Variants in CELF2 observed in about 807,000 individuals in gnomAD.
CELF2 encodes CUGBP Elav-like family member 2.
In CELF2, 8 loss-of-function variants were observed where a neutral mutation model predicts 62.6. The observed-to-expected ratio is 0.13, with a 90% CI of 0.07 to 0.23. The LOEUF (loss-of-function observed/expected upper bound fraction) is 0.23. CELF2 is among the 10% of genes least tolerant of loss of function. The pLI, the probability that CELF2 is intolerant of heterozygous loss-of-function variation, is 1.00. For synonymous variants in CELF2, 258 were observed against 250.0 expected (o/e 1.03, Z -0.30); for missense variants, 333 against 671.0 (o/e 0.50, Z 5.56).
At chr10:10,607,411 A>T in the CELF2 span, among the ~76,000 whole-genome samples, 1 of 152,228 alleles carries the variant, frequency 6.6e-6, no homozygotes, top group Non-Finnish European at 1.5e-5. Flanking sequence ...GGTTCAAACT[A>T]CCAGTAGTTG....
chr10:11,091,177 T>C (rs1264112551), intron 1 of CELF2, among the ~76,000 whole-genome samples: 2 of 152,166 alleles, frequency 1.3e-5, no homozygotes, highest in African/African-American at 4.8e-5. Flanking sequence ...TAACATAACA[T>C]GTTAGGGCAC....
Position 11,314,300 on chromosome 10 carries a change from T to C in CELF2, c.1096+42T>C, listed in dbSNP as rs890231885. 3.1e-6 allele frequency: 5 copies of C among 1,613,194 alleles called. No individual in the cohort carries two copies. The African/African-American group carries it at 6.7e-5, about 22-fold the overall frequency. On this transcript the variant is annotated intron_variant, in intron 10 of 12. Coordinates refer to ENST00000633077, the MANE Select transcript of CELF2 (RefSeq NM_001326342.2). This position sits in a 1 kb window ranked among gnomAD's most constrained non-coding sequence, Gnocchi z 5.3. ...GTATTTGCTGCTCTGGTGGACAGCCTTCCCCCAAATTCTCCACAGAAAGTG... is the reference window on the plus strand; with the variant it reads ...GTATTTGCTGCTCTGGTGGACAGCCCTCCCCCAAATTCTCCACAGAAAGTG...
intron 12 of CELF2, among the ~76,000 whole-genome samples, chr10:11,327,793 C>G (rs2095833443): frequency 6.6e-6 from 1 of 152,212 alleles, no homozygotes. Flanking sequence ...CCATTTTTAT[C>G]AGCCGAGAAC....
chr10:10,865,765 C>T (rs942712075), intron 1 of CELF2, among the ~76,000 whole-genome samples: 1 of 150,850 alleles, frequency 6.6e-6, no homozygotes, highest in Non-Finnish European at 1.5e-5. Context: ...CTATTCAAAG[C>T]AAAATGAGAG....
chr10:10,623,339 G>A, the CELF2 span, among the ~76,000 whole-genome samples: 2 of 152,108 alleles, frequency 1.3e-5, no homozygotes, highest in African/African-American at 4.8e-5. Flanking sequence ...AAAGTAAAAG[G>A]GCAGTTGGCA....
the CELF2 span, among the ~76,000 whole-genome samples, chr10:10,519,419 G>A: frequency 6.6e-6 from 1 of 152,090 alleles, no homozygotes; most frequent in African/African-American, 2.4e-5. Context: ...TTTTTGTGAT[G>A]GCATGGAAGA....
upstream of CELF2, among the ~76,000 whole-genome samples, chr10:11,014,953 G>A (rs2057030966): frequency 6.6e-6 from 1 of 152,210 alleles, no homozygotes; most frequent in Non-Finnish European, 1.5e-5. Context: ...AGGACAGCCT[G>A]GTCCCCAGTG....
chr10:10,776,921 A>ATGCCC, the CELF2 span, among the ~76,000 whole-genome samples: 2 of 152,220 alleles, frequency 1.3e-5, no homozygotes, highest in African/African-American at 4.8e-5. Flanking sequence ...CCGGAAGGCC[A>ATGCCC]TGCCCTCTGC....
intron 3 of CELF2, 30 bp from the exon 4 acceptor site, chr10:11,249,123 G>A: frequency 6.3e-7 from 1 of 1,589,198 alleles, no homozygotes; most frequent in Non-Finnish European, 8.6e-7. Flanking sequence ...TGTTCAATCT[G>A]CCTTTACTTT....
Position 11,332,411 on chromosome 10 carries a change from T to A in CELF2, c.*3358T>A, listed in dbSNP as rs2096044682. 6.6e-6 allele frequency: 1 copy of A among 152,480 alleles called. No individual in the cohort carries two copies. The highest frequency in any genetic ancestry group is 2.4e-5 in the African/African-American group (1 of 41,452). The allele number at this position is 152,480 out of a possible 1,614,324, so 9.4% of individuals were successfully genotyped here. On this transcript the variant is annotated 3_prime_UTR_variant, in exon 13 of 13. Coordinates refer to ENST00000633077, the MANE Select transcript of CELF2 (RefSeq NM_001326342.2). ...CCAGGTGTCTGGAGTTAGAAGCCCA[T>A]AGCCCTTTCCCAGCCTTTTTGGTTT...
At chr10:10,884,649 T>C (rs1028832485) in intron 1 of CELF2, among the ~76,000 whole-genome samples, 1 of 152,222 alleles carries the variant, frequency 6.6e-6, no homozygotes, top group Non-Finnish European at 1.5e-5. Context: ...ACACTGTGCT[T>C]GAACTATCCT....
the CELF2 span, among the ~76,000 whole-genome samples, chr10:10,469,890 A>G: frequency 6.6e-6 from 1 of 151,846 alleles, no homozygotes; most frequent in African/African-American, 2.4e-5. Flanking sequence ...TGTTATTCAG[A>G]GAACTTGTAT....
rs1431623549 is a variant in CELF2 at position 11,011,765 on chromosome 10, A to G, written c.53+6325A>G. ...AGTTCTTTTAAGAGAAAGAAAAAAA[A>G]TTTCCCCTAATGGACTTCATGGGAA... On this transcript the variant is annotated intron_variant, in intron 1 of 12. Coordinates refer to the CELF2 transcript ENST00000416382. This position sits in a 1 kb window ranked among gnomAD's most constrained non-coding sequence, Gnocchi z 4.6. Among the ~76,000 whole-genome samples, 1 of 151,946 alleles carries G rather than the reference A, an allele frequency of 6.6e-6. No homozygotes were observed. The highest frequency in any genetic ancestry group is 1.5e-5 in the Non-Finnish European group (1 of 68,016).
intron 2 of CELF2, among the ~76,000 whole-genome samples, chr10:11,181,896 C>G (rs1240539587): frequency 1.3e-5 from 2 of 152,178 alleles, no homozygotes; most frequent in Non-Finnish European, 2.9e-5. Context: ...TTCTTCTTTC[C>G]TTTTCATGGC....
the CELF2 span, among the ~76,000 whole-genome samples, chr10:10,680,272 T>G: frequency 6.6e-6 from 1 of 152,208 alleles, no homozygotes; most frequent in Non-Finnish European, 1.5e-5. Flanking sequence ...GTTGCAAGTT[T>G]AGGGATCCCC....
chr10:10,868,161 A>G (rs1374903061), intron 1 of CELF2, among the ~76,000 whole-genome samples: 1 of 152,188 alleles, frequency 6.6e-6, no homozygotes, highest in East Asian at 1.9e-4. Flanking sequence ...GTGAAATGAC[A>G]GTTGATTATC....
At chr10:10,560,659 C>A in the CELF2 span, among the ~76,000 whole-genome samples, 1 of 152,108 alleles carries the variant, frequency 6.6e-6, no homozygotes, top group African/African-American at 2.4e-5. Context: ...CCACCAATCT[C>A]ACTACTGGGT....
At chr10:11,074,874 G>A (rs540973646) in intron 1 of CELF2, 2 of 152,194 alleles carry the variant, frequency 1.3e-5, no homozygotes, top group Admixed American at 6.5e-5. Context: ...TTATTCTTAT[G>A]TTGAAATATC....
At chr10:10,665,772 A>G in the CELF2 span, among the ~76,000 whole-genome samples, 1 of 152,244 alleles carries the variant, frequency 6.6e-6, no homozygotes, top group Non-Finnish European at 1.5e-5. Context: ...ATGGAGTTAG[A>G]AACACCAAAT....
Sources: gnomAD v4.1 joint callset for allele counts (sites outside exome capture counted in the v4.1 genomes callset) on GRCh38, gnomAD v4.1.1 for gene constraint, Gnocchi (gnomAD v3.1) non-coding constraint, MANE v1.5 for transcripts, NCBI Gene and HGNC (gene_info 2026-07-23, HGNC 2026-07-21) for gene names.